IMMP2L: variants seen among roughly 807,000 people sequenced by gnomAD.
The protein encoded by IMMP2L is mitochondrial inner membrane protease subunit 2.
A neutral mutation model predicts 19.3 loss-of-function variants in IMMP2L; 18 were observed. The observed-to-expected ratio is 0.93, with a 90% CI of 0.64 to 1.38. IMMP2L has a LOEUF of 1.38. Ranked by LOEUF, IMMP2L falls within the 40% of genes most tolerant of loss-of-function variation. IMMP2L has a pLI of 0.00. For synonymous variants in IMMP2L, 76 were observed against 73.0 expected (o/e 1.04, Z -0.21); for missense variants, 233 against 218.2 (o/e 1.07, Z -0.43).
rs1184903605 is a variant in IMMP2L, at chr7:111,354,945, A to C, written c.239+132293T>G. ...CTACCCTATCCTGGACCCTAATCTCAATAGAATAAACACAGCTATATAGGT... is the reference window on the plus strand; with the variant it reads ...CTACCCTATCCTGGACCCTAATCTCCATAGAATAAACACAGCTATATAGGT... On this transcript the variant is annotated intron_variant, in intron 3 of 5. Coordinates refer to ENST00000405709, the MANE Select transcript of IMMP2L (RefSeq NM_032549.4). 3.3e-5 allele frequency among the ~76,000 whole-genome samples: 5 copies of C among 151,900 alleles called. No homozygotes were observed. In the East Asian group the frequency reaches 9.6e-4, roughly 29 times the overall value.
At chr7:111,148,886 C>T (rs1803774418) in intron 3 of IMMP2L, among the ~76,000 whole-genome samples, 1 of 151,994 alleles carries the variant, frequency 6.6e-6, no homozygotes, top group Non-Finnish European at 1.5e-5. Context: ...GAATAACTCA[C>T]TGAATGTTCA....
At chr7:111,243,689 C>T (rs1183121134) in intron 3 of IMMP2L, among the ~76,000 whole-genome samples, 1 of 100,710 alleles carries the variant, frequency 9.9e-6, no homozygotes, top group Admixed American at 1.1e-4. Flanking sequence ...ACCACAGTCC[C>T]CAGAGTGTGA....
At chr7:110,869,230 C>T (rs796426273) in intron 5 of IMMP2L, among the ~76,000 whole-genome samples, 2 of 152,118 alleles carry the variant, frequency 1.3e-5, no homozygotes, top group African/African-American at 4.8e-5. Context: ...TCATTTCTAC[C>T]ATCCAATTTC....
At chr7:110,812,697 A>G (rs1406054) in intron 5 of IMMP2L, among the ~76,000 whole-genome samples, 126,931 of 151,884 alleles carry the variant, frequency 0.84, 53,688 homozygotes, top group East Asian at 0.91. Context: ...AAATGAAGAC[A>G]GAGAAGAAGG....
At chr7:110,851,301 C>T (rs1175230891) in intron 5 of IMMP2L, among the ~76,000 whole-genome samples, 1 of 152,078 alleles carries the variant, frequency 6.6e-6, no homozygotes, top group Non-Finnish European at 1.5e-5. Context: ...TATACAAACA[C>T]ACTAGACACC....
At chr7:110,976,299 C>A (rs192999350) in intron 3 of IMMP2L, among the ~76,000 whole-genome samples, 1 of 151,932 alleles carries the variant, frequency 6.6e-6, no homozygotes, top group East Asian at 1.9e-4. Context: ...AATACATATA[C>A]GAAGATATTG....
chr7:110,832,282 CA>C (rs35194210), intron 5 of IMMP2L, among the ~76,000 whole-genome samples: 1 of 151,764 alleles, frequency 6.6e-6, no homozygotes, highest in South Asian at 2.1e-4. Context: ...AAAAAACAAA[CA>C]AAAAAACCCT....
At chr7:110,692,693 G>A (rs912089735) in intron 5 of IMMP2L, among the ~76,000 whole-genome samples, 12 of 152,156 alleles carry the variant, frequency 7.9e-5, no homozygotes, top group African/African-American at 2.9e-4. Context: ...TATAGCTGTG[G>A]GGAAAAATAG....
intron 3 of IMMP2L, among the ~76,000 whole-genome samples, chr7:111,323,822 T>C (rs1394377465): frequency 6.6e-6 from 1 of 152,122 alleles, no homozygotes; most frequent in East Asian, 1.9e-4. Flanking sequence ...TAAAAAATGA[T>C]GAGTTCATGT....
chr7:111,144,103 A>G (rs1803222171), intron 3 of IMMP2L, among the ~76,000 whole-genome samples: 1 of 152,134 alleles, frequency 6.6e-6, no homozygotes, highest in Non-Finnish European at 1.5e-5. Context: ...GACAAAACCT[A>G]CTACATTTAC....
At chr7:111,269,038 A>T (rs1392521995) in intron 3 of IMMP2L, among the ~76,000 whole-genome samples, 1 of 152,136 alleles carries the variant, frequency 6.6e-6, no homozygotes, top group Non-Finnish European at 1.5e-5. Flanking sequence ...AAAAGTAAGG[A>T]CAATACAGGG....
At chr7:111,495,454 A>G (rs1843504737) in intron 2 of IMMP2L, among the ~76,000 whole-genome samples, 1 of 152,160 alleles carries the variant, frequency 6.6e-6, no homozygotes, top group African/African-American at 2.4e-5. Context: ...AACAAGCATA[A>G]CACAAAAGTT....
At chr7:110,890,246 T>A (rs1810659132) in intron 4 of IMMP2L, among the ~76,000 whole-genome samples, 1 of 152,198 alleles carries the variant, frequency 6.6e-6, no homozygotes, top group Admixed American at 6.5e-5. Context: ...GTTCTGCATA[T>A]TCAAATATGC....
At chr7:110,859,052 C>T (rs1481278052) in intron 5 of IMMP2L, among the ~76,000 whole-genome samples, 1 of 152,014 alleles carries the variant, frequency 6.6e-6, no homozygotes, top group Non-Finnish European at 1.5e-5. Context: ...AGATAAGCAA[C>T]TGGTTGACTT....
intron 3 of IMMP2L, among the ~76,000 whole-genome samples, chr7:111,172,675 A>T (rs955398579): frequency 6.6e-6 from 1 of 151,416 alleles, no homozygotes; most frequent in Non-Finnish European, 1.5e-5. Flanking sequence ...TCCTCAAGTA[A>T]CCACTATTCT....
intron 3 of IMMP2L, among the ~76,000 whole-genome samples, chr7:111,089,809 A>G (rs1796664664): frequency 6.6e-6 from 1 of 152,112 alleles, no homozygotes; most frequent in Admixed American, 6.5e-5. Flanking sequence ...CTGTTTCTAG[A>G]AAACTACAGA....
chr7:111,220,831 C>G (rs1318886206), intron 3 of IMMP2L, among the ~76,000 whole-genome samples: 1 of 151,914 alleles, frequency 6.6e-6, no homozygotes, highest in Non-Finnish European at 1.5e-5. Flanking sequence ...GTCTGAAGGC[C>G]TGAGAACCAG....
At chr7:111,198,147 T>C (rs1809703215) in intron 3 of IMMP2L, among the ~76,000 whole-genome samples, 1 of 152,140 alleles carries the variant, frequency 6.6e-6, no homozygotes, top group Non-Finnish European at 1.5e-5. Flanking sequence ...AGAATGCAAT[T>C]ACTAATGGGA....
chr7:110,843,086 T>G (rs967554605), intron 5 of IMMP2L, among the ~76,000 whole-genome samples: 1 of 151,828 alleles, frequency 6.6e-6, no homozygotes, highest in African/African-American at 2.4e-5. Flanking sequence ...TGCTGGTAAT[T>G]CTAAAACTCA....
Sources: gnomAD v4.1 joint callset for allele counts (sites outside exome capture counted in the v4.1 genomes callset) on GRCh38, gnomAD v4.1.1 for gene constraint, MANE v1.5 for transcripts, NCBI Gene and HGNC (gene_info 2026-07-23, HGNC 2026-07-21) for gene names.